RPS6KA2: variants seen among roughly 807,000 people sequenced by gnomAD.
RPS6KA2 encodes ribosomal protein S6 kinase A2, also known as ribosomal protein S6 kinase alpha-2.
In RPS6KA2, 42 loss-of-function variants were observed where a neutral mutation model predicts 91.8. The ratio of observed to expected loss-of-function variants is 0.46; its 90% confidence interval spans 0.36 to 0.59. The LOEUF (loss-of-function observed/expected upper bound fraction) is 0.59. Among genes scored for constraint, RPS6KA2 ranks in the 20% least tolerant of loss-of-function variants. The probability of loss-of-function intolerance (pLI) is 0.00; values close to 1 mark genes in which losing one functional copy is unlikely to be tolerated. For missense variants in RPS6KA2, 798 were observed against 978.5 expected, an observed-to-expected ratio of 0.82 and a Z score of 2.46; for synonymous variants, 414 against 393.6, an observed-to-expected ratio of 1.05 and a Z score of -0.61.
chr6:166,412,693 G>A lies in RPS6KA2; in HGVS notation c.*69C>T. ...TGTGGTCACTCTGGGTGCCAGACGG[G>A]CTCCGAGGCCGGGGTCTGTGAGCCC... On this transcript the variant is annotated 3_prime_UTR_variant, in exon 21 of 21. Coordinates refer to ENST00000265678, the MANE Select transcript of RPS6KA2 (RefSeq NM_021135.6). The surrounding 1 kb of genome is among the most constrained non-coding windows in gnomAD (Gnocchi z 4.3). 4 of 1,466,280 alleles carry A rather than the reference G, an allele frequency of 2.7e-6. No individual in the cohort carries two copies. The highest frequency in any genetic ancestry group is 3.7e-6 in the Non-Finnish European group (4 of 1,095,206). 90.8% of individuals were successfully genotyped at this position (1,466,280 alleles called of 1,614,324 possible).
intron 7 of RPS6KA2, among the ~76,000 whole-genome samples, chr6:166,499,555 A>G (rs1781942844): frequency 6.6e-6 from 1 of 152,170 alleles, no homozygotes; most frequent in Admixed American, 6.5e-5. Flanking sequence ...AATAAGACTC[A>G]CGAGATCTGA....
At chr6:166,796,004 T>A (rs1372120787) in intron 2 of RPS6KA2, among the ~76,000 whole-genome samples, 1 of 152,188 alleles carries the variant, frequency 6.6e-6, no homozygotes, top group Non-Finnish European at 1.5e-5. Flanking sequence ...CTGAAGACAT[T>A]TGAGACTCAA....
intron 1 of RPS6KA2, among the ~76,000 whole-genome samples, chr6:166,620,193 T>A (rs1786574114): frequency 6.6e-6 from 1 of 152,244 alleles, no homozygotes. Context: ...CCTGTTTTTC[T>A]TATTTGTCAA....
At chr6:166,774,508 A>C (rs1457717933) in intron 2 of RPS6KA2, among the ~76,000 whole-genome samples, 1 of 152,100 alleles carries the variant, frequency 6.6e-6, no homozygotes, top group African/African-American at 2.4e-5. Context: ...TGCTGCACCC[A>C]TCCCAGCACC....
Position 166,437,746 on chromosome 6 carries a change from G to A in RPS6KA2, c.1333-5256C>T, listed in dbSNP as rs1047638559. On this transcript the variant is annotated intron_variant, in intron 14 of 20. Transcript: ENST00000265678. The surrounding 1 kb of genome is among the most constrained non-coding windows in gnomAD (Gnocchi z 4.3). Reference sequence around the variant, plus strand: ...TGAGCACGGACACATGCAGCCATGTGCCAAACAAACACTGCCATTCCTGCT... The same window carrying A: ...TGAGCACGGACACATGCAGCCATGTACCAAACAAACACTGCCATTCCTGCT... 6.6e-6 allele frequency among the ~76,000 whole-genome samples: 1 copy of A among 152,150 alleles called. No individual in the cohort carries two copies. The highest frequency in any genetic ancestry group is 6.5e-5 in the Admixed American group (1 of 15,280).
chr6:166,674,109 A>T (rs527579409), intron 2 of RPS6KA2, among the ~76,000 whole-genome samples: 1 of 152,382 alleles, frequency 6.6e-6, no homozygotes, highest in South Asian at 2.1e-4. Context: ...TGGTACTCTT[A>T]GAGCCCTGGA....
rs1199544206 is a variant in RPS6KA2 at position 166,410,704 on chromosome 6, T to C, written c.*2058A>G. 1.3e-5 allele frequency: 2 copies of C among 152,100 alleles called. No homozygotes were observed. The highest frequency in any genetic ancestry group is 3.9e-4 in the East Asian group (2 of 5,192). The allele number at this position is 152,100 out of a possible 1,614,324, so 9.4% of individuals were successfully genotyped here. A position where few individuals can be genotyped will look rare whatever the true frequency, so the allele number is the denominator to read the frequency against. On this transcript the variant is annotated 3_prime_UTR_variant, in exon 21 of 21. Transcript: ENST00000265678. The stretch of plus-strand genomic sequence containing the variant: ...ACAAGGAGGGAAAACCGTGGCCGCT[T>C]TCTCACGGATGCTTTCCCTTTCACT...
chr6:166,664,387 C>T (rs1788256811), intron 2 of RPS6KA2, among the ~76,000 whole-genome samples: 1 of 152,230 alleles, frequency 6.6e-6, no homozygotes, highest in Admixed American at 6.5e-5. Flanking sequence ...AATGTCAGCA[C>T]ACTCATTTAA....
chr6:166,625,376 G>T (rs1786835044), intron 1 of RPS6KA2, among the ~76,000 whole-genome samples: 1 of 117,112 alleles, frequency 8.5e-6, no homozygotes, highest in Admixed American at 1.3e-4. Flanking sequence ...CCGGAGGCAC[G>T]CCTGCAGCCC....
chr6:166,560,735 G>A (rs977774846), intron 1 of RPS6KA2, among the ~76,000 whole-genome samples: 7 of 152,116 alleles, frequency 4.6e-5, no homozygotes, highest in East Asian at 1.9e-4. Context: ...GGATGCAGGT[G>A]CAACGTGACC....
chr6:166,602,402 G>A (rs1173939537), intron 1 of RPS6KA2, among the ~76,000 whole-genome samples: 1 of 152,146 alleles, frequency 6.6e-6, no homozygotes, highest in Non-Finnish European at 1.5e-5. Context: ...GGTGCTCAAG[G>A]GATGGATGCA....
intron 2 of RPS6KA2, among the ~76,000 whole-genome samples, chr6:166,790,027 G>C (rs1336167496): frequency 6.6e-6 from 1 of 152,230 alleles, no homozygotes; most frequent in Non-Finnish European, 1.5e-5. Context: ...ACTTTGACGA[G>C]TTGAGAGAAG....
At chr6:166,566,242 C>T (rs1338445090) in intron 1 of RPS6KA2, among the ~76,000 whole-genome samples, 1 of 152,210 alleles carries the variant, frequency 6.6e-6, no homozygotes, top group Non-Finnish European at 1.5e-5. Context: ...GATTGTACCA[C>T]ATGGGGAAGA....
chr6:166,516,897 T>G (rs551783108), intron 3 of RPS6KA2, among the ~76,000 whole-genome samples: 1 of 152,354 alleles, frequency 6.6e-6, no homozygotes, highest in Admixed American at 6.5e-5. Context: ...CTTGCAAAGC[T>G]TGATCTTTGA....
chr6:166,489,040 A>C (rs1402320066), intron 9 of RPS6KA2, 119 bp from the exon 10 acceptor site: 2 of 783,122 alleles, frequency 2.6e-6, no homozygotes, highest in South Asian at 1.6e-5. Flanking sequence ...CCCGTGCTCT[A>C]CCACGTGGGT....
At chr6:166,632,833 C>T (rs772413942) in intron 2 of RPS6KA2, among the ~76,000 whole-genome samples, 5 of 152,026 alleles carry the variant, frequency 3.3e-5, no homozygotes, top group African/African-American at 4.8e-5. Context: ...GGACAGACAG[C>T]GCAACTCAGG....
In RPS6KA2 at chr6:166,770,887, C is replaced by T. The variant is rs1272939069; in HGVS notation, c.123+87313G>A. ...CCTCTACGGATCCAGCTACCTTTGTCTTGCAGGCAGCTGAGTCACTTTTGC... is the reference window on the plus strand; with the variant it reads ...CCTCTACGGATCCAGCTACCTTTGTTTTGCAGGCAGCTGAGTCACTTTTGC... On this transcript the variant is annotated intron_variant, in intron 2 of 21. Coordinates refer to the RPS6KA2 transcript ENST00000503859. This position sits in a 1 kb window ranked among gnomAD's most constrained non-coding sequence, Gnocchi z 5.1. The T allele has an allele frequency of 1.9e-6, 3 of 1,597,436 alleles. No homozygotes were observed. The highest frequency in any genetic ancestry group is 2.5e-6 in the Non-Finnish European group (3 of 1,179,634).
At chr6:166,824,744 T>C (rs989066378) in intron 2 of RPS6KA2, among the ~76,000 whole-genome samples, 3 of 144,414 alleles carry the variant, frequency 2.1e-5, no homozygotes, top group Non-Finnish European at 4.6e-5. Context: ...TGTGTGTATG[T>C]CTGTATGTCT....
chr6:166,634,389 C>T lies in RPS6KA2; in HGVS notation c.124-95605G>A, dbSNP rs543720045. ...CAGGATAAGTCCTTGCGTCCACAGG[C>T]GCCACCTCTGAGTTGCTCCTCCCCC... is the stretch of plus-strand genomic sequence containing the variant. On this transcript the variant is annotated intron_variant, in intron 2 of 21. Transcript: ENST00000503859. 4.0e-4 allele frequency among the ~76,000 whole-genome samples: 61 copies of T among 152,288 alleles called. No individual in the cohort carries two copies. In the Middle Eastern group the frequency reaches 0.01, roughly 25 times the overall value.
Sources: gnomAD v4.1 joint callset for allele counts (sites outside exome capture counted in the v4.1 genomes callset) on GRCh38, gnomAD v4.1.1 for gene constraint, Gnocchi (gnomAD v3.1) non-coding constraint, MANE v1.5 for transcripts, NCBI Gene and HGNC (gene_info 2026-07-23, HGNC 2026-07-21) for gene names.